FSHR: variants seen among roughly 807,000 people sequenced by gnomAD.
The protein encoded by FSHR is follicle-stimulating hormone receptor.
FSHR carries 46 observed loss-of-function variants against 52.1 expected under a neutral mutation model. The observed-to-expected ratio is 0.88, with a 90% confidence interval of 0.70 to 1.13. The LOEUF is 1.13. FSHR is among the 50% of genes most tolerant of loss of function. The pLI is 0.00. For synonymous variants in FSHR, 399 were observed against 309.6 expected (o/e 1.29, Z -3.03); for missense variants, 964 against 834.6 (o/e 1.16, Z -1.91).
At chr2:49,071,695 G>T (rs112380282) in intron 1 of FSHR, among the ~76,000 whole-genome samples, 1 of 152,136 alleles carries the variant, frequency 6.6e-6, no homozygotes, top group African/African-American at 2.4e-5. Context: ...TAGTTCTGCA[G>T]GCTGTACAAG....
At chr2:49,013,459 T>A (rs1166152208) in intron 4 of FSHR, among the ~76,000 whole-genome samples, 1 of 127,486 alleles carries the variant, frequency 7.8e-6, no homozygotes, top group African/African-American at 2.7e-5. Context: ...TGAATATATA[T>A]ATAAATATAT....
chr2:49,025,009 C>T (rs143668403), intron 2 of FSHR, among the ~76,000 whole-genome samples: 2 of 152,264 alleles, frequency 1.3e-5, no homozygotes, highest in East Asian at 3.9e-4. Flanking sequence ...CTTAATATTC[C>T]TGCTCCCAGT....
intron 1 of FSHR, among the ~76,000 whole-genome samples, chr2:49,118,140 G>T (rs145432463): frequency 9.9e-4 from 150 of 152,110 alleles, no homozygotes; most frequent in African/African-American, 3.3e-3. Context: ...AGCTAAAAAG[G>T]TATCTATCCA....
chr2:49,141,858 G>A (rs1672700850), intron 1 of FSHR, among the ~76,000 whole-genome samples: 3 of 152,164 alleles, frequency 2.0e-5, no homozygotes, highest in African/African-American at 7.2e-5. Context: ...GAATGGGCAT[G>A]TTAAAATCAG....
intron 2 of FSHR, among the ~76,000 whole-genome samples, chr2:49,045,454 A>G (rs989488071): frequency 1.3e-5 from 2 of 152,250 alleles, no homozygotes; most frequent in Non-Finnish European, 2.9e-5. Context: ...GAATTTAACT[A>G]AAAGAAAAAT....
At chr2:49,060,092 T>A (rs755906826) in intron 2 of FSHR, among the ~76,000 whole-genome samples, 1 of 152,084 alleles carries the variant, frequency 6.6e-6, no homozygotes, top group Non-Finnish European at 1.5e-5. Context: ...AACACATATA[T>A]GGAAAAATGC....
intron 1 of FSHR, among the ~76,000 whole-genome samples, chr2:49,102,870 A>G (rs543789375): frequency 6.6e-6 from 1 of 152,166 alleles, no homozygotes; most frequent in South Asian, 2.1e-4. Context: ...CTTTGGCATA[A>G]AGGTAGAGTG....
rs150126608 is a variant in FSHR at position 49,060,306 on chromosome 2, A to G, written c.224+7913T>C. ...GGTTATTCAAAACACTGCAAATACA[A>G]CTACCATATGATCCCATTAGGTATT... On this transcript the variant is annotated intron_variant, in intron 2 of 9. Transcript: ENST00000406846. Among the ~76,000 whole-genome samples, 25 of 152,332 alleles carry G rather than the reference A, an allele frequency of 1.6e-4. No individual in the cohort carries two copies. The East Asian group carries it at 4.2e-3, about 26-fold the overall frequency.
At chr2:49,093,052 T>A (rs1385751513) in intron 1 of FSHR, among the ~76,000 whole-genome samples, 1 of 152,236 alleles carries the variant, frequency 6.6e-6, no homozygotes, top group Admixed American at 6.5e-5. Flanking sequence ...TGTTGCTGGA[T>A]TGCCTTCAAT....
intron 1 of FSHR, among the ~76,000 whole-genome samples, chr2:49,107,951 G>C (rs1011820124): frequency 7.2e-5 from 11 of 152,108 alleles, no homozygotes; most frequent in African/African-American, 2.7e-4. Context: ...GATCATGAAG[G>C]TTTTCTGTCA....
At chr2:49,085,564 C>G (rs1670350307) in intron 1 of FSHR, among the ~76,000 whole-genome samples, 1 of 152,128 alleles carries the variant, frequency 6.6e-6, no homozygotes, top group South Asian at 2.1e-4. Flanking sequence ...GGTGATTCCT[C>G]AGGGATCTAG....
chr2:49,085,397 G>A (rs1294931206), intron 1 of FSHR, among the ~76,000 whole-genome samples: 1 of 152,184 alleles, frequency 6.6e-6, no homozygotes, highest in African/African-American at 2.4e-5. Context: ...CATACTGAAT[G>A]GGCAAAAACT....
At chr2:48,986,281 G>A (rs1675511457) in intron 6 of FSHR, among the ~76,000 whole-genome samples, 1 of 151,836 alleles carries the variant, frequency 6.6e-6, no homozygotes, top group South Asian at 2.1e-4. Context: ...CTCTATCCAT[G>A]TTGCTGCAAA....
intron 2 of FSHR, among the ~76,000 whole-genome samples, chr2:49,054,369 A>G (rs1668977889): frequency 6.6e-6 from 1 of 152,132 alleles, no homozygotes; most frequent in Admixed American, 6.6e-5. Flanking sequence ...CCTGAATCTA[A>G]GAAACAGCCC....
chr2:49,102,594 C>T (rs567628694), intron 1 of FSHR, among the ~76,000 whole-genome samples: 3 of 152,218 alleles, frequency 2.0e-5, no homozygotes, highest in Non-Finnish European at 2.9e-5. Flanking sequence ...GAATGATGTG[C>T]TCTGAAAGTG....
chr2:49,091,520 C>G (rs1670607474), intron 1 of FSHR, among the ~76,000 whole-genome samples: 1 of 152,150 alleles, frequency 6.6e-6, no homozygotes, highest in South Asian at 2.1e-4. Context: ...TGGTCTTCAA[C>G]TCCTGACCTC....
chr2:49,149,330 C>T (rs1672979937), intron 1 of FSHR, among the ~76,000 whole-genome samples: 1 of 152,014 alleles, frequency 6.6e-6, no homozygotes, highest in Non-Finnish European at 1.5e-5. Flanking sequence ...GAGAACACAG[C>T]ACACTTTAAA....
At chr2:49,136,697 CA>C (rs1672500952) in intron 1 of FSHR, among the ~76,000 whole-genome samples, 1 of 151,876 alleles carries the variant, frequency 6.6e-6, no homozygotes, top group Non-Finnish European at 1.5e-5. Context: ...CCAGGGGTGG[CA>C]AAGTTGGTTT....
chr2:49,019,273 A>G (rs1667609095), intron 3 of FSHR, among the ~76,000 whole-genome samples: 1 of 152,202 alleles, frequency 6.6e-6, no homozygotes, highest in Non-Finnish European at 1.5e-5. Flanking sequence ...ATCTTATTTG[A>G]CCATAAATCT....
Sources: gnomAD v4.1 joint callset for allele counts (sites outside exome capture counted in the v4.1 genomes callset) on GRCh38, gnomAD v4.1.1 for gene constraint, MANE v1.5 for transcripts, NCBI Gene and HGNC (gene_info 2026-07-23, HGNC 2026-07-21) for gene names.